Variants in CRPPA observed in about 807,000 individuals in gnomAD.
The protein encoded by CRPPA is CDP-L-ribitol pyrophosphorylase A.
CRPPA carries 43 observed loss-of-function variants against 52.0 expected under a neutral mutation model. The observed-to-expected ratio is 0.83, with a 90% CI of 0.65 to 1.07. The LOEUF (loss-of-function observed/expected upper bound fraction) is 1.07, where lower values mean the gene tolerates loss of function less well. Among genes scored for constraint, CRPPA ranks in the 50% least tolerant of loss-of-function variants. The pLI, the probability that CRPPA is intolerant of heterozygous loss-of-function variation, is 0.00. For missense variants in CRPPA, 629 were observed against 551.7 expected, an observed-to-expected ratio of 1.14 and a Z score of -1.40; for synonymous variants, 250 against 203.5, an observed-to-expected ratio of 1.23 and a Z score of -1.94.
At position 16,246,305 on chromosome 7, in the gene CRPPA, T is replaced by C. The variant is rs182407040; in HGVS notation, c.1119+12085A>G. On this transcript the variant is annotated intron_variant, in intron 8 of 9. Transcript: ENST00000407010. The stretch of plus-strand genomic sequence containing the variant: ...CTCATCCATCTAAGTTTTATGAAAT[T>C]GCAGCAATTCAGTCATATATTCAGA... Among the ~76,000 whole-genome samples the C allele has an allele frequency of 3.1e-4, 47 of 152,300 alleles. 1 individual carries two copies. Among genetic ancestry groups the C allele is most frequent in the Admixed American group, 2.6e-3 (39 of 15,282 alleles).
chr7:16,272,090 C>T (rs1174396561), intron 6 of CRPPA, among the ~76,000 whole-genome samples: 1 of 152,124 alleles, frequency 6.6e-6, no homozygotes, highest in Non-Finnish European at 1.5e-5. Flanking sequence ...TGATCTATCT[C>T]TGGAGAGCTC....
intron 2 of CRPPA, among the ~76,000 whole-genome samples, chr7:16,378,562 A>G (rs1277382019): frequency 2.0e-5 from 3 of 152,052 alleles, no homozygotes; most frequent in African/African-American, 4.8e-5. Flanking sequence ...ATAGTGCCAC[A>G]ATAAACATAT....
Position 16,406,208 on chromosome 7 carries a change from T to C in CRPPA, c.387A>G (p.Ser129=), listed in dbSNP as rs767301131. Residue 129 remains serine, a synonymous_variant, in exon 2 of 10, where the codon TCA becomes TCG. Transcript: ENST00000407010. ...CCAGTGCTTTTAGTCCATTGAAAATTGACCTGTGGCGGGTCACTCCAGCTT... is the reference window on the plus strand; with the variant it reads ...CCAGTGCTTTTAGTCCATTGAAAATCGACCTGTGGCGGGTCACTCCAGCTT... The part of the protein sequence containing the change: ...LVEAGVTRHR[S]IFNGLKALAE... 1 of 1,614,038 alleles carries C rather than the reference T, an allele frequency of 6.2e-7. No individual in the cohort carries two copies. The highest frequency in any genetic ancestry group is 2.2e-5 in the East Asian group (1 of 44,882).
rs138522884 is a variant in CRPPA at position 16,408,797 on chromosome 7, C to T, written c.258-2460G>A. 7.3e-3 allele frequency among the ~76,000 whole-genome samples: 1,110 copies of T among 152,140 alleles called. 7 individuals are homozygous for T. Among genetic ancestry groups the T allele is most frequent in the Non-Finnish European group, 0.011 (780 of 68,006 alleles). Reference sequence around the variant, plus strand: ...GTGGATCCAACGTAATCACAAGAGTCCTTATAAAGGAAAGGAGGTCGCAGG... The same window carrying T: ...GTGGATCCAACGTAATCACAAGAGTTCTTATAAAGGAAAGGAGGTCGCAGG... On this transcript the variant is annotated intron_variant, in intron 1 of 9. Transcript: ENST00000407010.
chr7:16,342,782 A>AAAAAAAAAATAT (rs1554335212), intron 3 of CRPPA, among the ~76,000 whole-genome samples: 1 of 76,540 alleles, frequency 1.3e-5, no homozygotes, highest in Non-Finnish European at 2.8e-5. Context: ...AAAAAAAAAA[A>AAAAAAAAAATAT]ATATATATAT....
chr7:16,369,774 T>C (rs79416831), intron 3 of CRPPA, among the ~76,000 whole-genome samples: 1,769 of 151,998 alleles, frequency 0.012, 41 homozygotes, highest in African/African-American at 0.041. Flanking sequence ...GATTTTTTTT[T>C]CCCCCAAGAA....
chr7:16,226,713 A>G (rs1782661576), intron 8 of CRPPA, among the ~76,000 whole-genome samples: 1 of 151,940 alleles, frequency 6.6e-6, no homozygotes. Flanking sequence ...TAAGATTGAT[A>G]AGTTTACACA....
chr7:16,227,902 TTGGAG>T (rs1472442103), intron 8 of CRPPA, among the ~76,000 whole-genome samples: 1 of 151,898 alleles, frequency 6.6e-6, no homozygotes, highest in Non-Finnish European at 1.5e-5. Context: ...CCTAATCCAT[TTGGAG>T]TGGTTTTTGT....
At chr7:16,299,368 T>C (rs920249252) in intron 5 of CRPPA, among the ~76,000 whole-genome samples, 1 of 152,182 alleles carries the variant, frequency 6.6e-6, no homozygotes, top group African/African-American at 2.4e-5. Flanking sequence ...AGATATTATT[T>C]AGAAATAAAC....
chr7:16,141,039 G>A (rs1032612569), intron 9 of CRPPA, among the ~76,000 whole-genome samples: 33 of 152,206 alleles, frequency 2.2e-4, no homozygotes, highest in African/African-American at 6.0e-4. Context: ...CTAAGATCTC[G>A]TTTCCTGTGT....
chr7:16,123,748 G>A (rs139368132), intron 9 of CRPPA, among the ~76,000 whole-genome samples: 63 of 152,162 alleles, frequency 4.1e-4, no homozygotes, highest in African/African-American at 1.3e-3. Context: ...TTGTTTAACC[G>A]CTTTACTTAC....
chr7:16,369,486 T>C (rs1029395844), intron 3 of CRPPA, among the ~76,000 whole-genome samples: 3 of 152,218 alleles, frequency 2.0e-5, no homozygotes, highest in South Asian at 2.1e-4. Flanking sequence ...TTTTACTTCC[T>C]TGTTGTTTTT....
intron 8 of CRPPA, among the ~76,000 whole-genome samples, chr7:16,229,888 G>A (rs1052034687): frequency 2.0e-5 from 3 of 151,930 alleles, no homozygotes; most frequent in Admixed American, 6.6e-5. Flanking sequence ...CATTTCTGAA[G>A]GACACCTTTG....
At chr7:16,116,675 A>AAAGGGAAGGGAAG (rs6150004) in intron 9 of CRPPA, among the ~76,000 whole-genome samples, 1 of 96,618 alleles carries the variant, frequency 1.0e-5, no homozygotes, top group East Asian at 3.4e-4. Context: ...AAAAAAAAAA[A>AAAGGGAAGGGAAG]GGAAAGGAAA....
intron 9 of CRPPA, among the ~76,000 whole-genome samples, chr7:16,104,830 G>A (rs371420775): frequency 6.7e-6 from 1 of 150,236 alleles, no homozygotes. Context: ...AACCTGGGAG[G>A]CGGAGGCTGC....
chr7:16,295,793 T>C lies in CRPPA; in HGVS notation c.835+5628A>G, dbSNP rs185638661. ...TTAATCATTTGGGTTCATCTGAGCA[T>C]GCAGAGCAGACTTGGGTGGGCTCAA... is the stretch of plus-strand genomic sequence containing the variant. On this transcript the variant is annotated intron_variant, in intron 5 of 9. Transcript: ENST00000407010. Among the ~76,000 whole-genome samples the C allele has an allele frequency of 2.2e-3, 330 of 152,246 alleles. 1 individual carries two copies. Among genetic ancestry groups the C allele is most frequent in the Non-Finnish European group, 3.8e-3 (255 of 67,988 alleles).
At chr7:16,102,548 A>C (rs1013667953) in intron 9 of CRPPA, among the ~76,000 whole-genome samples, 2 of 152,222 alleles carry the variant, frequency 1.3e-5, no homozygotes, top group African/African-American at 4.8e-5. Context: ...AATTTTTGCC[A>C]TCTATCTGTC....
intron 3 of CRPPA, among the ~76,000 whole-genome samples, chr7:16,348,208 T>C (rs1353062080): frequency 6.6e-6 from 1 of 152,158 alleles, no homozygotes; most frequent in African/African-American, 2.4e-5. Flanking sequence ...TATTAATTTA[T>C]CCTGAAAAGA....
At chr7:16,289,224 A>G (rs1461912737) in intron 5 of CRPPA, among the ~76,000 whole-genome samples, 2 of 152,126 alleles carry the variant, frequency 1.3e-5, no homozygotes, top group Non-Finnish European at 2.9e-5. Context: ...AAGTCTCTCA[A>G]GAACGAAAAG....
Sources: gnomAD v4.1 joint callset for allele counts (sites outside exome capture counted in the v4.1 genomes callset) on GRCh38, gnomAD v4.1.1 for gene constraint, MANE v1.5 for transcripts, NCBI Gene and HGNC (gene_info 2026-07-23, HGNC 2026-07-21) for gene names.